Variants in TENM1 observed in about 807,000 individuals in gnomAD.
TENM1 encodes the protein teneurin transmembrane protein 1.
In TENM1, 35 loss-of-function variants were observed where a neutral mutation model predicts 174.8. The ratio of observed to expected loss-of-function variants is 0.20; its 90% confidence interval spans 0.15 to 0.27. The LOEUF is 0.27. Ranked by LOEUF, TENM1 falls within the 10% of genes least tolerant of loss-of-function variation. TENM1 has a pLI of 1.00. For missense variants in TENM1, 1,633 were observed against 2,130.1 expected (o/e 0.77, Z 4.59); for synonymous variants, 781 against 798.7 (o/e 0.98, Z 0.37).
chrX:125,088,643 G>A, the TENM1 span, among the ~76,000 whole-genome samples: 1 of 110,183 alleles, frequency 9.1e-6, no homozygotes. Flanking sequence ...AGTGAAGAAA[G>A]GGGGGGAAAT....
chrX:124,488,297 T>G (rs773576133), intron 20 of TENM1, among the ~76,000 whole-genome samples: 1 of 112,593 alleles, frequency 8.9e-6, no homozygotes, highest in South Asian at 3.7e-4. Context: ...CCTATGTCAT[T>G]TTGAAAACAT....
the TENM1 span, among the ~76,000 whole-genome samples, chrX:125,107,153 G>T: frequency 4.3e-4 from 48 of 112,228 alleles, no homozygotes; most frequent in African/African-American, 1.5e-3. Flanking sequence ...TATTGATTTT[G>T]TCTTTTAGCA....
chrX:124,379,287 A>T (rs2060132150), exon 32 of TENM1: 1 of 112,869 alleles, frequency 8.9e-6, no homozygotes, highest in African/African-American at 3.2e-5. Flanking sequence ...TGTATAAATT[A>T]TTTTAGTAAA....
At chrX:124,861,152 TA>T (rs1434497195) in intron 3 of TENM1, among the ~76,000 whole-genome samples, 2 of 112,178 alleles carry the variant, frequency 1.8e-5, no homozygotes. Flanking sequence ...AACTAAAGGT[TA>T]AAATAATTTA....
chrX:124,512,955 G>C (rs1490512410), intron 18 of TENM1, among the ~76,000 whole-genome samples: 2 of 112,184 alleles, frequency 1.8e-5, no homozygotes, highest in Admixed American at 9.4e-5. Flanking sequence ...AGGAGAAAGA[G>C]TGGGAGATCT....
At chrX:124,705,349 G>T in intron 4 of TENM1, 98 bp from the exon 8 acceptor site, 1 of 618,706 alleles carries the variant, frequency 1.6e-6, no homozygotes, top group Non-Finnish European at 2.5e-6. Flanking sequence ...CTATAGCCAA[G>T]CTCAAGAGAA....
At chrX:124,969,530 C>T in the TENM1 span, among the ~76,000 whole-genome samples, 2 of 112,438 alleles carry the variant, frequency 1.8e-5, no homozygotes, top group African/African-American at 6.5e-5. Context: ...ACTCATAAAG[C>T]AGTTATCAGG....
chrX:124,403,602 A>T (rs752859798), intron 27 of TENM1, among the ~76,000 whole-genome samples: 1 of 110,409 alleles, frequency 9.1e-6, no homozygotes, highest in African/African-American at 3.3e-5. Context: ...GACCGGTTTG[A>T]CTGCCTCTCT....
At chrX:124,397,274 T>G (rs905215346) in intron 27 of TENM1, among the ~76,000 whole-genome samples, 2 of 112,342 alleles carry the variant, frequency 1.8e-5, no homozygotes, top group African/African-American at 6.5e-5. Context: ...GTCGTTCAGT[T>G]AGAAAAATAA....
At chrX:125,116,332 G>A in the TENM1 span, among the ~76,000 whole-genome samples, 1 of 111,972 alleles carries the variant, frequency 8.9e-6, no homozygotes, top group Non-Finnish European at 1.9e-5. Context: ...CATGGACAAA[G>A]ACTTCATGAT....
intron 11 of TENM1, among the ~76,000 whole-genome samples, chrX:124,602,763 G>T (rs1208828380): frequency 9.0e-6 from 1 of 111,200 alleles, no homozygotes; most frequent in African/African-American, 3.3e-5. Context: ...CCCTTTCCCA[G>T]GATGTGGCAA....
At chrX:124,874,633 G>A (rs950160800) in intron 3 of TENM1, among the ~76,000 whole-genome samples, 5 of 110,527 alleles carry the variant, frequency 4.5e-5, no homozygotes, top group Non-Finnish European at 9.5e-5. Flanking sequence ...CTACTTTAAG[G>A]TTGGAAGAAA....
the TENM1 span, among the ~76,000 whole-genome samples, chrX:125,117,529 ACT>A: frequency 9.1e-6 from 1 of 110,135 alleles, no homozygotes; most frequent in South Asian, 3.9e-4. Flanking sequence ...GGGAGGGGAA[ACT>A]CACACACCAG....
intron 3 of TENM1, among the ~76,000 whole-genome samples, chrX:124,820,344 T>C (rs2056012171): frequency 9.0e-6 from 1 of 111,201 alleles, no homozygotes; most frequent in Admixed American, 9.6e-5. Context: ...CCACCACAGA[T>C]CTTCCATTTT....
At chrX:125,170,710 C>G in the TENM1 span, among the ~76,000 whole-genome samples, 1 of 111,152 alleles carries the variant, frequency 9.0e-6, no homozygotes, top group Admixed American at 9.6e-5. Context: ...GGTGTATACC[C>G]TCTAGGGAAT....
the TENM1 span, among the ~76,000 whole-genome samples, chrX:125,063,864 T>C: frequency 8.9e-6 from 1 of 111,884 alleles, no homozygotes; most frequent in Non-Finnish European, 1.9e-5. Context: ...TGCACATGTA[T>C]GTTTACTGTG....
chrX:124,753,115 C>A (rs1419121057), intron 3 of TENM1, among the ~76,000 whole-genome samples: 1 of 108,828 alleles, frequency 9.2e-6, no homozygotes, highest in Non-Finnish European at 1.9e-5. Flanking sequence ...TCTTCCTACC[C>A]ATGAGCATGG....
chrX:125,176,648 T>C, the TENM1 span, among the ~76,000 whole-genome samples: 4 of 111,811 alleles, frequency 3.6e-5, no homozygotes, highest in East Asian at 2.8e-4. Context: ...TATTCTTTAA[T>C]ACTATTGTGA....
chrX:124,828,103 A>C (rs1027060839), intron 3 of TENM1, among the ~76,000 whole-genome samples: 4 of 111,933 alleles, frequency 3.6e-5, no homozygotes, highest in Admixed American at 1.9e-4. Context: ...AAGAAATGTA[A>C]CAGATGTTAA....
Sources: allele counts gnomAD v4.1 joint callset (sites outside exome capture counted in the v4.1 genomes callset), GRCh38; gene constraint gnomAD v4.1.1; transcripts MANE v1.5; gene names NCBI Gene and HGNC (gene_info 2026-07-23, HGNC 2026-07-21).